Variants in DDX17 observed in about 807,000 individuals in gnomAD.
DDX17 encodes the protein DEAD-box helicase 17.
DDX17 carries 10 observed loss-of-function variants against 80.8 expected under a neutral mutation model. That is an observed-to-expected ratio of 0.12 (90% CI 0.08 to 0.21). The LOEUF (loss-of-function observed/expected upper bound fraction) is 0.21. DDX17 is among the 10% of genes least tolerant of loss of function. The probability of loss-of-function intolerance (pLI) is 1.00; values close to 1 mark genes in which losing one functional copy is unlikely to be tolerated. For missense variants in DDX17, 586 were observed against 957.4 expected (o/e 0.61, Z 5.12); for synonymous variants, 339 against 336.2 (o/e 1.01, Z -0.09).
chr22:38,505,399 A>G (rs1198508172), intron 1 of DDX17: 2 of 152,544 alleles, frequency 1.3e-5, no homozygotes, highest in Admixed American at 6.5e-5. Context: ...GACTTAAAAT[A>G]TAACTGAAGA....
chr22:38,487,119 G>A (rs530205827), intron 12 of DDX17, among the ~76,000 whole-genome samples: 21 of 152,286 alleles, frequency 1.4e-4, no homozygotes, highest in Admixed American at 1.2e-3. Context: ...AGTGAGCCGA[G>A]ATCGTGCCAC....
Position 38,486,711 on chromosome 22 carries a change from T to C in DDX17, c.1685-271A>G, listed in dbSNP as rs1438128612. Among the ~76,000 whole-genome samples, 3 of 152,090 alleles carry C rather than the reference T, an allele frequency of 2.0e-5. No homozygotes were observed. The East Asian group carries it at 5.8e-4, about 29-fold the overall frequency. On this transcript the variant is annotated intron_variant, in intron 12 of 12. Coordinates refer to ENST00000403230, the MANE Select transcript of DDX17 (RefSeq NM_006386.5). ...ATGATCAAGAAACACGGTATTACAA[T>C]ATGAAACCTTGAGTCAGGAAGCCCA... is the stretch of plus-strand genomic sequence containing the variant.
intron 8 of DDX17, chr22:38,494,423 A>G (rs1342481032): frequency 3.2e-6 from 2 of 634,858 alleles, no homozygotes; most frequent in Non-Finnish European, 5.3e-6. Flanking sequence ...TAATCAGCAG[A>G]GCTAAATTTC....
Position 38,489,829 on chromosome 22 carries a change from C to T in DDX17, c.1448-1714G>A, listed in dbSNP as rs2089695341. On this transcript the variant is annotated intron_variant, in intron 11 of 12. Transcript: ENST00000403230. This position sits in a 1 kb window ranked among gnomAD's most constrained non-coding sequence, Gnocchi z 4.6. Reference sequence around the variant, plus strand: ...CAAAGGAAAAAAGAATTTACAGGGCCAGGGTGGATGTAAGACAGGGGGTGG... The same window carrying T: ...CAAAGGAAAAAAGAATTTACAGGGCTAGGGTGGATGTAAGACAGGGGGTGG... 1.0e-6 allele frequency: 1 copy of T among 985,594 alleles called. No homozygotes were observed. Among genetic ancestry groups the T allele is most frequent in the Non-Finnish European group, 1.2e-6 (1 of 830,270 alleles). 61.1% of individuals were successfully genotyped at this position (985,594 alleles called of 1,614,324 possible). A position where few individuals can be genotyped will look rare whatever the true frequency, so the allele number is the denominator to read the frequency against.
chr22:38,500,951 C>T (rs931103552), intron 2 of DDX17, among the ~76,000 whole-genome samples, 179 bp downstream of exon 2: 2 of 134,498 alleles, frequency 1.5e-5, no homozygotes, highest in Admixed American at 8.2e-5. Context: ...GGGAATATGG[C>T]GAAACCCGGT....
chr22:38,489,213 T>G lies in DDX17; in HGVS notation c.1448-1098A>C. 1.0e-6 allele frequency: 1 copy of G among 985,802 alleles called. No homozygotes were observed. Among genetic ancestry groups the G allele is most frequent in the Middle Eastern group, 5.2e-4 (1 of 1,914 alleles). 61.1% of individuals were successfully genotyped at this position (985,802 alleles called of 1,614,324 possible). A position where few individuals can be genotyped will look rare whatever the true frequency, so the allele number is the denominator to read the frequency against. On this transcript the variant is annotated intron_variant, in intron 11 of 12. Transcript: ENST00000403230. This position sits in a 1 kb window ranked among gnomAD's most constrained non-coding sequence, Gnocchi z 4.6. ...ATATAAATAATTAAAAAACATTCTCTGTTTGTTACCAGACCGATGCACACT... is the reference window on the plus strand; with the variant it reads ...ATATAAATAATTAAAAAACATTCTCGGTTTGTTACCAGACCGATGCACACT...
rs1569136190 is a variant in DDX17 at position 38,485,892 on chromosome 22, A to G, written c.*43T>C. 6.3e-7 allele frequency: 1 copy of G among 1,589,650 alleles called. No individual in the cohort carries two copies. Among genetic ancestry groups the G allele is most frequent in the Non-Finnish European group, 8.6e-7 (1 of 1,167,692 alleles). On this transcript the variant is annotated 3_prime_UTR_variant, in exon 13 of 13. Coordinates refer to ENST00000403230, the MANE Select transcript of DDX17 (RefSeq NM_006386.5). ...AAAAAAGGAAAGACAGTGTTCCTTAAAATGTAATTAAGTCTGCTGGAGTCA... is the reference window on the plus strand; with the variant it reads ...AAAAAAGGAAAGACAGTGTTCCTTAGAATGTAATTAAGTCTGCTGGAGTCA...
intron 2 of DDX17, 39 bp from the exon 3 acceptor site, chr22:38,499,538 T>C (rs2089805939): frequency 2.7e-6 from 4 of 1,462,394 alleles, no homozygotes; most frequent in South Asian, 2.3e-5. Flanking sequence ...AAACTAGTTA[T>C]TCTAAACATT....
At chr22:38,499,721 AG>A (rs757347573) in intron 2 of DDX17, among the ~76,000 whole-genome samples, 1 of 152,220 alleles carries the variant, frequency 6.6e-6, no homozygotes, top group East Asian at 1.9e-4. Context: ...TTTCTATAGG[AG>A]AAAAAAGATA....
chr22:38,505,763 G>T, intron 1 of DDX17, 188 bp downstream of exon 1: 1 of 684,324 alleles, frequency 1.5e-6, no homozygotes, highest in Non-Finnish European at 2.3e-6. Context: ...CCAAGCGGCC[G>T]CCCTCCTCGG....
chr22:38,488,136 C>CA (rs767156289), intron 11 of DDX17, 21 bp from the exon 12 acceptor site: 2 of 1,613,998 alleles, frequency 1.2e-6, no homozygotes, highest in Non-Finnish European at 1.7e-6. Context: ...AATGATGAGT[C>CA]AGTGTGTAGG....
At chr22:38,505,513 G>A (rs1479350698) in intron 1 of DDX17, 3 of 166,528 alleles carry the variant, frequency 1.8e-5, no homozygotes, top group African/African-American at 7.1e-5. Flanking sequence ...TTTCGTGTAA[G>A]GCTTTCCTGG....
intron 10 of DDX17, among the ~76,000 whole-genome samples, chr22:38,493,069 A>G (rs886990614): frequency 6.6e-6 from 1 of 152,224 alleles, no homozygotes; most frequent in African/African-American, 2.4e-5. Flanking sequence ...CCATGAGCAC[A>G]CGCTAAAAGT....
In DDX17 at chr22:38,499,404, G is replaced by C. The variant is rs1292502554; in HGVS notation, c.534C>G (p.Phe178Leu). 2 of 1,612,336 alleles carry C rather than the reference G, an allele frequency of 1.2e-6. No individual in the cohort carries two copies. The highest frequency in any genetic ancestry group is 1.3e-5 in the African/African-American group (1 of 74,982). The change falls in exon 3 of 13, where the codon TTC becomes TTG. Residue 178 changes from phenylalanine (F) to leucine (L), a missense_variant. Coordinates refer to ENST00000403230, the MANE Select transcript of DDX17 (RefSeq NM_006386.5). ...TCTAGATTGAAGAACACTTACGTGG[G>C]AAGTTAGCATGATGGAAGGCAAACA...
At chr22:38,496,199 TTTATA>T (rs1453967405) in intron 5 of DDX17, among the ~76,000 whole-genome samples, 1 of 152,122 alleles carries the variant, frequency 6.6e-6, no homozygotes, top group Non-Finnish European at 1.5e-5. Flanking sequence ...ATCATTATAG[TTTATA>T]TATACTGTTT....
rs1235507378 is a variant in DDX17, at chr22:38,485,678, A to G, written c.*257T>C. 3.3e-5 allele frequency: 1 copy of G among 29,896 alleles called. No homozygotes were observed. The highest frequency in any genetic ancestry group is 4.3e-4 in the Admixed American group (1 of 2,336). 1.9% of individuals were successfully genotyped at this position (29,896 alleles called of 1,614,324 possible). On this transcript the variant is annotated 3_prime_UTR_variant, in exon 13 of 13. Coordinates refer to ENST00000403230, the MANE Select transcript of DDX17 (RefSeq NM_006386.5). ...AGAAATTAATCTCTTCCAGTCAGCT[A>G]TATATATATATATATATTTTTTTTT... is the stretch of plus-strand genomic sequence containing the variant.
Position 38,502,861 on chromosome 22 carries a change from C to G in DDX17, c.288-1581G>C, listed in dbSNP as rs143358450. Among the ~76,000 whole-genome samples, 596 of 152,298 alleles carry G rather than the reference C, an allele frequency of 3.9e-3. 4 individuals carry two copies. The highest frequency in any genetic ancestry group is 0.014 in the African/African-American group (565 of 41,546). On this transcript the variant is annotated intron_variant, in intron 1 of 12. Transcript: ENST00000403230. The stretch of plus-strand genomic sequence containing the variant: ...CACTCTAACCCACTTGTAACTTCAT[C>G]TTATATAAAGTTCCACTTTATCATT...
At position 38,495,951 on chromosome 22, in the gene DDX17, A is replaced by G; in HGVS notation, c.739-14T>C. On this transcript the variant is annotated splice_polypyrimidine_tract_variant and intron_variant, in intron 5 of 12. Coordinates refer to ENST00000403230, the MANE Select transcript of DDX17 (RefSeq NM_006386.5). ...CAGAACTAGACACTGAAACCAACAA[A>G]AAGACACTTGAGACCTCATCCAAGG... The G allele has an allele frequency of 6.5e-7, 1 of 1,546,096 alleles. No homozygotes were observed.
intron 3 of DDX17, 58 bp downstream of exon 3, chr22:38,499,342 C>G: frequency 7.5e-7 from 1 of 1,341,282 alleles, no homozygotes; most frequent in Non-Finnish European, 1.1e-6. Flanking sequence ...ACCTACTACC[C>G]TTGTCTCCCA....
Sources: gnomAD v4.1 joint callset for allele counts (sites outside exome capture counted in the v4.1 genomes callset) on GRCh38, gnomAD v4.1.1 for gene constraint, Gnocchi (gnomAD v3.1) non-coding constraint, MANE v1.5 for transcripts, NCBI Gene and HGNC (gene_info 2026-07-23, HGNC 2026-07-21) for gene names.